Variants in PCDHA10 observed in about 807,000 individuals in gnomAD.
PCDHA10 encodes protocadherin alpha 10.
Under a neutral mutation model 61.2 loss-of-function variants are expected in PCDHA10, and 45 were observed. The observed-to-expected ratio is 0.74, with a 90% CI of 0.58 to 0.94. The LOEUF (loss-of-function observed/expected upper bound fraction) is 0.94. Among genes scored for constraint, PCDHA10 ranks in the 40% least tolerant of loss-of-function variants. The pLI is 0.00. For synonymous variants in PCDHA10, 602 were observed against 548.8 expected (o/e 1.10, Z -1.35); for missense variants, 1,278 against 1,236.2 (o/e 1.03, Z -0.51).
Position 140,856,487 on chromosome 5 carries a change from C to G in PCDHA10, c.439C>G (p.Leu147Val), listed in dbSNP as rs1171656977. ...QKLSIPESRL[L>V]DSRFPLEGAS... is the part of the protein sequence containing the mutation. Reference sequence around the variant, plus strand: ...GCTCTCAATACCTGAATCCAGACTGCTTGACTCTCGATTTCCACTAGAAGG... The same window carrying G: ...GCTCTCAATACCTGAATCCAGACTGGTTGACTCTCGATTTCCACTAGAAGG... The change falls in exon 1 of 4, where the codon CTT becomes GTT. Residue 147 changes from leucine (L) to valine (V), a missense_variant. Physicochemically the swap from Leu to Val is conservative, Grantham distance 32. Coordinates refer to ENST00000307360, the MANE Select transcript of PCDHA10 (RefSeq NM_018901.4). 4 of 1,598,200 alleles carry G rather than the reference C, an allele frequency of 2.5e-6. No homozygotes were observed. The African/African-American group carries it at 5.4e-5, about 22-fold the overall frequency.
In PCDHA10 at chr5:140,972,940, A is replaced by G. The variant is rs148421479; in HGVS notation, c.2389-6009A>G. The stretch of plus-strand genomic sequence containing the variant: ...GCCTCCCAAAGTGCTGGGATTACAG[A>G]TGTGAGCCACCATGCCCGGCAAAGG... On this transcript the variant is annotated intron_variant, in intron 1 of 3. Coordinates refer to ENST00000307360, the MANE Select transcript of PCDHA10 (RefSeq NM_018901.4). Among the ~76,000 whole-genome samples the G allele has an allele frequency of 9.4e-3, 1,423 of 152,078 alleles. 26 individuals are homozygous for G. The highest frequency in any genetic ancestry group is 0.032 in the African/African-American group (1,334 of 41,472).
Position 140,857,993 on chromosome 5 carries a change from C to G in PCDHA10, c.1945C>G (p.Leu649Val), listed in dbSNP as rs782150278. The change falls in exon 1 of 4, where the codon CTG (leucine) becomes GTG (valine). Residue 649 changes from leucine (L) to valine (V), a missense_variant. By Grantham distance (32) the Leu-to-Val change is conservative (BLOSUM62 1). Coordinates refer to ENST00000307360, the MANE Select transcript of PCDHA10 (RefSeq NM_018901.4). ...TDSPRQRLLV[L>V]VKDHGEPSLT... ...CTCGCCACGCCAGCGCCTACTGGTG[C>G]TGGTGAAGGACCATGGCGAGCCGTC... 6.3e-7 allele frequency: 1 copy of G among 1,597,064 alleles called. No homozygotes were observed.
At chr5:140,926,573 A>C in intron 1 of PCDHA10, 2 of 265,974 alleles carry the variant, frequency 7.5e-6, no homozygotes. Context: ...TACTGGAGAC[A>C]GCACCTCTCG....
chr5:140,929,471 G>C, intron 1 of PCDHA10: 1 of 1,293,428 alleles, frequency 7.7e-7, no homozygotes, highest in Non-Finnish European at 1.0e-6. Context: ...CAAGAAATCT[G>C]GAAGTATAGA....
At chr5:140,862,241 T>C (rs1554155946) in intron 1 of PCDHA10, 3 of 213,712 alleles carry the variant, frequency 1.4e-5, no homozygotes, top group Non-Finnish European at 2.8e-5. Flanking sequence ...ACATCAATGA[T>C]AGTGTTCCAG....
At position 140,990,371 on chromosome 5, in the gene PCDHA10, A is replaced by G. The variant is rs570757505; in HGVS notation, c.2536+7808A>G. Reference sequence around the variant, plus strand: ...CCTGTACAGAAAATCTAATAAAGCAAATTTGTTGGTGATGTTCCAAGAAGG... The same window carrying G: ...CCTGTACAGAAAATCTAATAAAGCAGATTTGTTGGTGATGTTCCAAGAAGG... On this transcript the variant is annotated intron_variant, in intron 3 of 3. Coordinates refer to ENST00000307360, the MANE Select transcript of PCDHA10 (RefSeq NM_018901.4). 7.2e-5 allele frequency among the ~76,000 whole-genome samples: 11 copies of G among 152,154 alleles called. No homozygotes were observed. The East Asian group carries it at 1.9e-3, about 27-fold the overall frequency.
At chr5:140,916,688 C>G (rs1422583302) in intron 1 of PCDHA10, among the ~76,000 whole-genome samples, 3 of 152,180 alleles carry the variant, frequency 2.0e-5, no homozygotes, top group Admixed American at 6.5e-5. Flanking sequence ...TTACTCTTTT[C>G]TCTCCTCTCC....
chr5:140,975,522 G>A (rs2096670563), intron 1 of PCDHA10, among the ~76,000 whole-genome samples: 1 of 152,128 alleles, frequency 6.6e-6, no homozygotes, highest in African/African-American at 2.4e-5. Context: ...ATCTGCAGTG[G>A]ATATATTCTT....
intron 1 of PCDHA10, chr5:140,870,913 G>C (rs933995054): frequency 2.5e-6 from 4 of 1,613,936 alleles, no homozygotes; most frequent in Non-Finnish European, 3.4e-6. Context: ...AGGCTACAAC[G>C]CGTGGCTTTC....
chr5:140,962,855 G>A (rs556272423), intron 1 of PCDHA10, among the ~76,000 whole-genome samples: 286 of 152,196 alleles, frequency 1.9e-3, no homozygotes, highest in Admixed American at 3.8e-3. Context: ...CTTGTGCTCG[G>A]TTTGTAGAGC....
intron 3 of PCDHA10, among the ~76,000 whole-genome samples, chr5:140,987,537 T>C (rs1343074603): frequency 6.6e-6 from 1 of 152,176 alleles, no homozygotes; most frequent in African/African-American, 2.4e-5. Context: ...CCTGGGACCA[T>C]TACTTAACTT....
chr5:140,925,721 T>C lies in PCDHA10; in HGVS notation c.2389-53228T>C, dbSNP rs1360748997. Among the ~76,000 whole-genome samples the C allele has an allele frequency of 3.3e-5, 5 of 151,692 alleles. No individual in the cohort carries two copies. In the East Asian group the frequency reaches 7.7e-4, roughly 23 times the overall value. ...AGCCTATTCTTATCCTGCCTCATGG[T>C]GTTTTCTAAATATTTACAGAAAGAA... On this transcript the variant is annotated intron_variant, in intron 1 of 3. Transcript: ENST00000307360.
intron 1 of PCDHA10, chr5:140,883,589 G>C (rs782300348): frequency 6.2e-7 from 1 of 1,614,014 alleles, no homozygotes; most frequent in Non-Finnish European, 8.5e-7. Context: ...CACGGCCAGC[G>C]TGTCGGTGGG....
chr5:140,875,578 T>C lies in PCDHA10; in HGVS notation c.2388+17142T>C, dbSNP rs534589966. 6 of 1,614,098 alleles carry C rather than the reference T, an allele frequency of 3.7e-6. No homozygotes were observed. Among genetic ancestry groups the C allele is most frequent in the East Asian group, 4.5e-5 (2 of 44,882 alleles). On this transcript the variant is annotated intron_variant, in intron 1 of 3. Coordinates refer to ENST00000307360, the MANE Select transcript of PCDHA10 (RefSeq NM_018901.4). ...GAGCGGCCAGCTCCACTACTCCGTC[T>C]ACGAGGAGGCCAAACACGGCACCTT... is the stretch of plus-strand genomic sequence containing the variant.
intron 1 of PCDHA10, chr5:140,871,603 T>C (rs919844711): frequency 6.2e-6 from 9 of 1,443,200 alleles, no homozygotes; most frequent in Admixed American, 5.5e-5. Flanking sequence ...AACCAGTGTT[T>C]TGAATATTGT....
chr5:140,953,778 A>AT, intron 1 of PCDHA10, among the ~76,000 whole-genome samples: 1 of 152,106 alleles, frequency 6.6e-6, no homozygotes, highest in South Asian at 2.1e-4. Context: ...ATATTTATTT[A>AT]TTTTTTTCTT....
chr5:140,962,619 T>C (rs1405135656), intron 1 of PCDHA10, among the ~76,000 whole-genome samples: 1 of 152,212 alleles, frequency 6.6e-6, no homozygotes, highest in East Asian at 1.9e-4. Context: ...GGAAGGGAGA[T>C]GTGAAAAAAT....
rs1215014992 is a variant in PCDHA10, at chr5:140,859,892, AT to A, written c.2388+1457del. 2.6e-5 allele frequency: 4 copies of A among 152,144 alleles called. No individual in the cohort carries two copies. The East Asian group carries it at 7.7e-4, about 29-fold the overall frequency. The allele number at this position is 152,144 out of a possible 1,614,324, so 9.4% of individuals were successfully genotyped here. On this transcript the variant is annotated intron_variant, in intron 1 of 3. Transcript: ENST00000307360. ...TCCCCCTCTGATATTTTGAAAAAAAATCTTCCTTAATGTCTTATATTATAAG... is the reference window on the plus strand; with the variant it reads ...TCCCCCTCTGATATTTTGAAAAAAAACTTCCTTAATGTCTTATATTATAAG...
intron 1 of PCDHA10, chr5:140,862,303 T>C (rs2047298994): frequency 3.6e-6 from 1 of 279,072 alleles, no homozygotes; most frequent in South Asian, 4.0e-5. Flanking sequence ...CTCCACTGGG[T>C]ACCGTCATAG....
Sources: allele counts gnomAD v4.1 joint callset (sites outside exome capture counted in the v4.1 genomes callset), GRCh38; gene constraint gnomAD v4.1.1; transcripts MANE v1.5; gene names NCBI Gene and HGNC (gene_info 2026-07-23, HGNC 2026-07-21).